Variants in C2orf42 observed in about 807,000 individuals in gnomAD.
C2orf42 encodes uncharacterized protein C2orf42.
A neutral mutation model predicts 58.9 loss-of-function variants in C2orf42; 44 were observed. The observed-to-expected ratio is 0.75, with a 90% CI of 0.59 to 0.96. The LOEUF (loss-of-function observed/expected upper bound fraction) is 0.96. Ranked by LOEUF, C2orf42 falls within the 40% of genes least tolerant of loss-of-function variation. The probability of loss-of-function intolerance (pLI) is 0.00; values close to 1 mark genes in which losing one functional copy is unlikely to be tolerated. For synonymous variants in C2orf42, 239 were observed against 265.4 expected, an observed-to-expected ratio of 0.90 and a Z score of 0.97; for missense variants, 630 against 699.2, an observed-to-expected ratio of 0.90 and a Z score of 1.12.
At chr2:70,151,039 A>T (rs1421859716) in intron 9 of C2orf42, among the ~76,000 whole-genome samples, 1 of 152,146 alleles carries the variant, frequency 6.6e-6, no homozygotes, top group Non-Finnish European at 1.5e-5. Flanking sequence ...CACCACGCCC[A>T]GCCATCATGA....
chr2:70,165,615 A>C lies in C2orf42; in HGVS notation c.1165T>G (p.Phe389Val). The change falls in exon 7 of 10, where the codon TTC becomes GTC. Residue 389 changes from phenylalanine to valine, a missense_variant. By Grantham distance (50) the Phe-to-Val change is conservative (BLOSUM62 -1). Coordinates refer to ENST00000264434, the MANE Select transcript of C2orf42 (RefSeq NM_017880.3). ...QFDGKPEPLV[F>V]HIPQSFFDAL... ...TCAAAAAATGACTGAGGAATGTGGAACACCAATGGTTCTGGTTTGCCTATG... is the reference window on the plus strand; with the variant it reads ...TCAAAAAATGACTGAGGAATGTGGACCACCAATGGTTCTGGTTTGCCTATG... The C allele has an allele frequency of 2.5e-6, 4 of 1,607,872 alleles. No homozygotes were observed. Among genetic ancestry groups the C allele is most frequent in the Non-Finnish European group, 2.6e-6 (3 of 1,174,324 alleles).
chr2:70,155,458 G>C (rs755791170), intron 9 of C2orf42, among the ~76,000 whole-genome samples: 1 of 152,050 alleles, frequency 6.6e-6, no homozygotes, highest in Non-Finnish European at 1.5e-5. Flanking sequence ...GCTGTGCTCT[G>C]TCAGATCAAA....
chr2:70,181,084 A>C, intron 3 of C2orf42, 79 bp downstream of exon 3: 1 of 751,484 alleles, frequency 1.3e-6, no homozygotes, highest in Non-Finnish European at 2.2e-6. Flanking sequence ...TTGCTAAGAC[A>C]ATCTCCAAAT....
intron 2 of C2orf42, 33 bp downstream of exon 2, chr2:70,182,634 C>T (rs1288952814): frequency 1.3e-5 from 2 of 152,104 alleles, no homozygotes; most frequent in African/African-American, 4.8e-5. Context: ...TTTTCCCTTC[C>T]ATCATTCCCC....
chr2:70,170,754 A>G (rs931907997), intron 5 of C2orf42, among the ~76,000 whole-genome samples: 4 of 150,564 alleles, frequency 2.7e-5, no homozygotes, highest in African/African-American at 9.8e-5. Flanking sequence ...TCTAAAAAAA[A>G]AAAAAGAAAA....
chr2:70,155,479 T>C (rs538390472), intron 9 of C2orf42, among the ~76,000 whole-genome samples: 5 of 151,944 alleles, frequency 3.3e-5, no homozygotes, highest in South Asian at 2.1e-4. Context: ...GATTTAAACA[T>C]AGAAGGTTAA....
intron 2 of C2orf42, among the ~76,000 whole-genome samples, 165 bp from the exon 3 acceptor site, chr2:70,182,162 C>A (rs551436128): frequency 6.6e-6 from 1 of 152,022 alleles, no homozygotes; most frequent in Non-Finnish European, 1.5e-5. Flanking sequence ...TGCAGCGGCG[C>A]GATCTCGGCT....
At chr2:70,178,900 G>C (rs183537736) in intron 4 of C2orf42, among the ~76,000 whole-genome samples, 12 of 151,708 alleles carry the variant, frequency 7.9e-5, no homozygotes, top group Admixed American at 2.0e-4. Context: ...ACTCCAGCCT[G>C]GGCGACAGAG....
chr2:70,179,968 A>C (rs768143649), intron 3 of C2orf42, among the ~76,000 whole-genome samples: 21 of 151,962 alleles, frequency 1.4e-4, no homozygotes, highest in African/African-American at 1.9e-4. Flanking sequence ...AAAACAAAAA[A>C]AAAATTATGG....
intron 5 of C2orf42, among the ~76,000 whole-genome samples, chr2:70,173,751 A>T (rs1673993046): frequency 6.6e-6 from 1 of 151,764 alleles, no homozygotes; most frequent in Non-Finnish European, 1.5e-5. Flanking sequence ...TAAGTAGCTG[A>T]GTTTACAGGC....
At chr2:70,178,711 G>A (rs560593860) in intron 4 of C2orf42, among the ~76,000 whole-genome samples, 1 of 152,170 alleles carries the variant, frequency 6.6e-6, no homozygotes, top group South Asian at 2.1e-4. Context: ...AAAGCGGGTG[G>A]ATCACCTGAG....
At chr2:70,168,067 T>C (rs1270284957) in intron 6 of C2orf42, among the ~76,000 whole-genome samples, 1 of 151,828 alleles carries the variant, frequency 6.6e-6, no homozygotes, top group Non-Finnish European at 1.5e-5. Context: ...ACCCCATCTC[T>C]ACTAAAAATA....
intron 9 of C2orf42, among the ~76,000 whole-genome samples, chr2:70,159,512 C>T (rs376947371): frequency 3.3e-5 from 5 of 150,006 alleles, no homozygotes; most frequent in East Asian, 2.0e-4. Flanking sequence ...CGCTTGAATC[C>T]GGGAGGCAGA....
chr2:70,157,358 G>A (rs1015635320), intron 9 of C2orf42, among the ~76,000 whole-genome samples: 1 of 152,120 alleles, frequency 6.6e-6, no homozygotes, highest in African/African-American at 2.4e-5. Flanking sequence ...GGAGGCTGAG[G>A]CAAGAGAATG....
At chr2:70,150,767 A>G (rs1672258345) in intron 9 of C2orf42, among the ~76,000 whole-genome samples, 1 of 151,872 alleles carries the variant, frequency 6.6e-6, no homozygotes. Context: ...TTTTTTTGAG[A>G]CGGAGTCTCG....
At chr2:70,166,091 A>G (rs773408830) in intron 6 of C2orf42, among the ~76,000 whole-genome samples, 2 of 151,802 alleles carry the variant, frequency 1.3e-5, no homozygotes, top group Non-Finnish European at 2.9e-5. Flanking sequence ...GGGTTTCACC[A>G]TGTTGGCCAG....
intron 4 of C2orf42, among the ~76,000 whole-genome samples, chr2:70,176,501 CAA>C (rs59582998): frequency 4.0e-5 from 5 of 124,058 alleles, no homozygotes; most frequent in Admixed American, 1.5e-4. Flanking sequence ...GAGACTGTCT[CAA>C]AAAAAAAAAA....
intron 9 of C2orf42, among the ~76,000 whole-genome samples, chr2:70,155,826 A>T (rs1368553117): frequency 1.3e-5 from 2 of 148,702 alleles, no homozygotes; most frequent in East Asian, 4.1e-4. Context: ...AAAAAGAAAA[A>T]TACAAAATTA....
intron 1 of C2orf42, among the ~76,000 whole-genome samples, chr2:70,189,695 G>A (rs1675203441): frequency 6.9e-6 from 1 of 144,658 alleles, no homozygotes; most frequent in Non-Finnish European, 1.5e-5. Flanking sequence ...TCCAGCCTGG[G>A]CGACAGCGAG....
Sources: gnomAD v4.1 joint callset for allele counts (sites outside exome capture counted in the v4.1 genomes callset) on GRCh38, gnomAD v4.1.1 for gene constraint, MANE v1.5 for transcripts, NCBI Gene and HGNC (gene_info 2026-07-23, HGNC 2026-07-21) for gene names.